THOC1: variants seen among roughly 807,000 people sequenced by gnomAD.
THOC1 encodes THO complex 1.
In THOC1, 29 loss-of-function variants were observed where a neutral mutation model predicts 97.3. The observed-to-expected ratio is 0.30, with a 90% CI of 0.22 to 0.41. The LOEUF (loss-of-function observed/expected upper bound fraction) is 0.41, where lower values mean the gene tolerates loss of function less well. Among genes scored for constraint, THOC1 ranks in the 10% least tolerant of loss-of-function variants. THOC1 has a pLI of 1.00. For missense variants in THOC1, 529 were observed against 761.9 expected, an observed-to-expected ratio of 0.69 and a Z score of 3.60; for synonymous variants, 255 against 257.0, an observed-to-expected ratio of 0.99 and a Z score of 0.07.
At chr18:239,602 G>T (rs1911827426) in intron 11 of THOC1, among the ~76,000 whole-genome samples, 2 of 152,156 alleles carry the variant, frequency 1.3e-5, no homozygotes, top group Admixed American at 6.5e-5. Context: ...ATTGTGCCTG[G>T]CCTGATTCAT....
In THOC1 at chr18:216,564, G is replaced by A; in HGVS notation, c.1524C>T (p.Phe508=). The change falls in exon 19 of 21, where the codon TTC becomes TTT. Residue 508 remains phenylalanine (F), a synonymous_variant. Coordinates refer to ENST00000261600, the MANE Select transcript of THOC1 (RefSeq NM_005131.3). The stretch of plus-strand genomic sequence containing the variant: ...TTTTAAACTGCTGGTTGGTTGGCTG[G>A]AAGAAGTGAGGGCTTCTCCGTGCTA... The part of the protein sequence containing the change: ...RLLARRSPHF[F]QPTNQQFKSL... 1.9e-6 allele frequency: 3 copies of A among 1,613,932 alleles called. No homozygotes were observed. The highest frequency in any genetic ancestry group is 2.2e-5 in the South Asian group (2 of 91,082).
In THOC1 at chr18:265,667, C is replaced by T. The variant is rs1004889999; in HGVS notation, c.55-137G>A. 3.5e-5 allele frequency: 22 copies of T among 631,006 alleles called. No homozygotes were observed. In the Admixed American group the frequency reaches 3.6e-4, roughly 10 times the overall value. The allele number at this position is 631,006 out of a possible 1,614,324, so 39.1% of individuals were successfully genotyped here. A position where few individuals can be genotyped will look rare whatever the true frequency, so the allele number is the denominator to read the frequency against. On this transcript the variant is annotated intron_variant, in intron 1 of 20. Coordinates refer to ENST00000261600, the MANE Select transcript of THOC1 (RefSeq NM_005131.3). ...GGAAAAATTACCTATCAGTCATTCT[C>T]TCAGTAATCCTTATTCCAATGCTAC...
At chr18:237,560 C>T (rs1427273418) in intron 11 of THOC1, among the ~76,000 whole-genome samples, 2 of 151,980 alleles carry the variant, frequency 1.3e-5, no homozygotes, top group African/African-American at 4.8e-5. Flanking sequence ...AGAAATCAAG[C>T]CTAAACACCA....
chr18:225,132 G>T lies in THOC1; in HGVS notation c.1094C>A (p.Ser365Tyr). 1 of 1,573,392 alleles carries T rather than the reference G, an allele frequency of 6.4e-7. No homozygotes were observed. Among genetic ancestry groups the T allele is most frequent in the Non-Finnish European group, 8.6e-7 (1 of 1,158,342 alleles). The change falls in exon 14 of 21, where the codon TCT (serine) becomes TAT (tyrosine). Residue 365 changes from serine (S) to tyrosine (Y), a missense_variant. Transcript: ENST00000261600. Reference sequence around the variant, plus strand: ...TCTTTCTCCATCGGGGGGGTTTTCAGATAGTAGCTGTGATTAGAAAGAATA... The same window carrying T: ...TCTTTCTCCATCGGGGGGGTTTTCATATAGTAGCTGTGATTAGAAAGAATA... ...DTTKSVYQLLSENPPDGERFS... is the reference protein window; with the variant it reads ...DTTKSVYQLLYENPPDGERFS...
At chr18:263,358 C>G (rs993614668) in intron 4 of THOC1, 1 of 152,580 alleles carries the variant, frequency 6.6e-6, no homozygotes, top group African/African-American at 2.4e-5. Context: ...GGATTACAGG[C>G]GTGAGCCACC....
chr18:216,399 TTAAG>T (rs533090938), intron 19 of THOC1, 83 bp downstream of exon 19: 160 of 1,429,916 alleles, frequency 1.1e-4, no homozygotes, highest in Middle Eastern at 9.6e-4. Context: ...TTTCACATGA[TTAAG>T]TCAGTTTTTT....
At chr18:251,403 C>T (rs1467297283) in intron 9 of THOC1, among the ~76,000 whole-genome samples, 1 of 152,220 alleles carries the variant, frequency 6.6e-6, no homozygotes, top group Non-Finnish European at 1.5e-5. Context: ...TAATGACTCT[C>T]ATCACCTCAG....
intron 18 of THOC1, among the ~76,000 whole-genome samples, chr18:217,614 G>C (rs1910937887): frequency 6.6e-6 from 1 of 152,136 alleles, no homozygotes; most frequent in Non-Finnish European, 1.5e-5. Context: ...AACACACAAG[G>C]TATAAGACAA....
chr18:258,937 T>C (rs1453629848), intron 7 of THOC1, among the ~76,000 whole-genome samples: 1 of 152,112 alleles, frequency 6.6e-6, no homozygotes, highest in African/African-American at 2.4e-5. Context: ...CATGTTTCAG[T>C]GTGATTCAAC....
At chr18:244,546 GAT>G in intron 11 of THOC1, 1 of 152,186 alleles carries the variant, frequency 6.6e-6, no homozygotes, top group Admixed American at 6.5e-5. Context: ...ATTAATGGTT[GAT>G]ATGTTAGAAA....
At chr18:253,339 A>G (rs888550509) in intron 8 of THOC1, among the ~76,000 whole-genome samples, 1 of 152,242 alleles carries the variant, frequency 6.6e-6, no homozygotes, top group Non-Finnish European at 1.5e-5. Flanking sequence ...ATTATACACT[A>G]CTAGACACTG....
At chr18:215,721 A>C in intron 19 of THOC1, 2 of 475,470 alleles carry the variant, frequency 4.2e-6, no homozygotes, top group South Asian at 3.0e-5. Flanking sequence ...AGTTGGAAAG[A>C]CTCCCCACCC....
chr18:219,692 T>C (rs1209004320), intron 17 of THOC1, among the ~76,000 whole-genome samples: 1 of 152,152 alleles, frequency 6.6e-6, no homozygotes, highest in Non-Finnish European at 1.5e-5. Context: ...TATACTTTAA[T>C]TACACACTAT....
chr18:260,972 T>C (rs923429998), intron 4 of THOC1: 4 of 152,154 alleles, frequency 2.6e-5, no homozygotes, highest in Admixed American at 6.5e-5. Context: ...AGTAGAGGAA[T>C]TAAGAGTACT....
At position 257,191 on chromosome 18, in the gene THOC1, G is replaced by A. The variant is rs960592894; in HGVS notation, c.520+1989C>T. On this transcript the variant is annotated intron_variant, in intron 7 of 20. Transcript: ENST00000261600. ...TGTGGTGGTCTGGAACAAAACCCAC[G>A]GTATGTCTGTAAACAGAATTCTATA... Among the ~76,000 whole-genome samples the A allele has an allele frequency of 1.1e-4, 16 of 152,066 alleles. 1 individual carries two copies. In the East Asian group the frequency reaches 1.2e-3, roughly 11 times the overall value.
chr18:230,483 A>G (rs975304810), intron 11 of THOC1, among the ~76,000 whole-genome samples: 1 of 152,226 alleles, frequency 6.6e-6, no homozygotes, highest in East Asian at 1.9e-4. Flanking sequence ...AGGAGTCAAC[A>G]AAACACTGAA....
chr18:245,383 G>A (rs1912054771), intron 11 of THOC1: 1 of 152,096 alleles, frequency 6.6e-6, no homozygotes, highest in Non-Finnish European at 1.5e-5. Context: ...CAAAAGTCTA[G>A]AAGAAGTCTT....
At chr18:251,745 T>A (rs1438381790) in intron 9 of THOC1, among the ~76,000 whole-genome samples, 1 of 152,156 alleles carries the variant, frequency 6.6e-6, no homozygotes. Context: ...TGGGTGGGTA[T>A]ACACACTGTG....
In THOC1 at chr18:265,460, C is replaced by T; in HGVS notation, c.125G>A (p.Gly42Asp). 6.3e-7 allele frequency: 1 copy of T among 1,597,760 alleles called. No homozygotes were observed. The highest frequency in any genetic ancestry group is 1.3e-5 in the African/African-American group (1 of 74,656). Residue 42 changes from glycine (G) to aspartate (D), a missense_variant, in exon 2 of 21, where the codon GGC (glycine) becomes GAC (aspartate). Transcript: ENST00000261600. Reference sequence around the variant, plus strand: ...TTCATAGATATCAATGCCTTACCTGCCAGGTACCTGGCTGAAGGTACTTAA... The same window carrying T: ...TTCATAGATATCAATGCCTTACCTGTCAGGTACCTGGCTGAAGGTACTTAA... The part of the protein sequence containing the change: ...PLLSTFSQVP[G>D]SENEKKCTLD...
Sources: gnomAD v4.1 joint callset for allele counts (sites outside exome capture counted in the v4.1 genomes callset) on GRCh38, gnomAD v4.1.1 for gene constraint, MANE v1.5 for transcripts, NCBI Gene and HGNC (gene_info 2026-07-23, HGNC 2026-07-21) for gene names.